ZFAND3: variants seen among roughly 807,000 people sequenced by gnomAD.
ZFAND3 encodes the protein AN1-type zinc finger protein 3.
ZFAND3 carries 10 observed loss-of-function variants against 29.6 expected under a neutral mutation model. The ratio of observed to expected loss-of-function variants is 0.34; its 90% confidence interval spans 0.21 to 0.57. The LOEUF (loss-of-function observed/expected upper bound fraction) is 0.57, where lower values mean the gene tolerates loss of function less well. Among genes scored for constraint, ZFAND3 ranks in the 20% least tolerant of loss-of-function variants. The pLI is 0.86. For synonymous variants in ZFAND3, 128 were observed against 112.6 expected, an observed-to-expected ratio of 1.14 and a Z score of -0.87; for missense variants, 230 against 304.5, an observed-to-expected ratio of 0.76 and a Z score of 1.82.
chr6:38,067,902 C>G (rs1317379055), intron 3 of ZFAND3, among the ~76,000 whole-genome samples: 3 of 152,104 alleles, frequency 2.0e-5, no homozygotes, highest in African/African-American at 7.2e-5. Flanking sequence ...GATTTTTCTT[C>G]CCAGTCCCAC....
intron 2 of ZFAND3, among the ~76,000 whole-genome samples, chr6:37,969,676 C>T (rs1409243076): frequency 6.6e-6 from 1 of 152,078 alleles, no homozygotes; most frequent in Non-Finnish European, 1.5e-5. Context: ...CAATAGTGGT[C>T]AGAGTAGTGA....
chr6:37,863,657 A>T (rs1764534990), intron 1 of ZFAND3, among the ~76,000 whole-genome samples: 1 of 150,380 alleles, frequency 6.6e-6, no homozygotes, highest in Non-Finnish European at 1.5e-5. Flanking sequence ...TCTGAAACAT[A>T]TTTTCAAATG....
intron 2 of ZFAND3, among the ~76,000 whole-genome samples, chr6:37,930,886 A>G (rs1201667055): frequency 1.3e-5 from 2 of 152,222 alleles, no homozygotes; most frequent in African/African-American, 2.4e-5. Flanking sequence ...TTAGTCAGTA[A>G]TACACTTTTG....
At chr6:38,082,642 A>G (rs2127471046) in intron 4 of ZFAND3, among the ~76,000 whole-genome samples, 185 bp downstream of exon 4, 1 of 152,194 alleles carries the variant, frequency 6.6e-6, no homozygotes, top group South Asian at 2.1e-4. Flanking sequence ...GGGGAGTCAG[A>G]TTGACTGAGT....
intron 2 of ZFAND3, among the ~76,000 whole-genome samples, chr6:37,966,849 C>G: frequency 6.6e-6 from 1 of 152,130 alleles, no homozygotes; most frequent in Non-Finnish European, 1.5e-5. Context: ...GGAACAGTTC[C>G]CTAGTCTTTT....
intron 2 of ZFAND3, among the ~76,000 whole-genome samples, chr6:38,060,422 C>G (rs978831312): frequency 2.0e-5 from 3 of 146,466 alleles, no homozygotes; most frequent in African/African-American, 7.5e-5. Flanking sequence ...TCTTTTTTTT[C>G]CTCTTCTCCT....
intron 1 of ZFAND3, among the ~76,000 whole-genome samples, chr6:37,926,624 A>T (rs1354050529): frequency 6.6e-6 from 1 of 152,218 alleles, no homozygotes; most frequent in Middle Eastern, 3.2e-3. Context: ...CCCCTGAGTA[A>T]GGTAACTTCG....
At chr6:37,947,893 A>G (rs1761930355) in intron 2 of ZFAND3, among the ~76,000 whole-genome samples, 1 of 152,020 alleles carries the variant, frequency 6.6e-6, no homozygotes, top group Non-Finnish European at 1.5e-5. Context: ...TTAGCTTAGT[A>G]TTTCCTTTCT....
At chr6:37,925,166 G>A (rs1761459791) in intron 1 of ZFAND3, among the ~76,000 whole-genome samples, 1 of 152,032 alleles carries the variant, frequency 6.6e-6, no homozygotes, top group African/African-American at 2.4e-5. Flanking sequence ...AAAATAACAC[G>A]CTCCAACTTG....
At chr6:38,026,452 CAAG>C (rs1306956006) in intron 2 of ZFAND3, among the ~76,000 whole-genome samples, 4 of 91,262 alleles carry the variant, frequency 4.4e-5, no homozygotes, top group African/African-American at 1.8e-4. Context: ...TTTTTTGAGA[CAAG>C]AGTCTCACTC....
rs141064682 is a variant in ZFAND3 at position 37,981,810 on chromosome 6, A to G, written c.112+51811A>G. ...AGGGTTAAGGATGCACCTGTTACAA[A>G]GCCTTGGAAGGTCCTAATGCCATGT... is the stretch of plus-strand genomic sequence containing the variant. On this transcript the variant is annotated intron_variant, in intron 2 of 5. Transcript: ENST00000287218. 2.7e-4 allele frequency among the ~76,000 whole-genome samples: 41 copies of G among 152,274 alleles called. No homozygotes were observed. In the East Asian group the frequency reaches 7.7e-3, roughly 29 times the overall value.
At chr6:37,896,576 T>C (rs12198646) in intron 1 of ZFAND3, among the ~76,000 whole-genome samples, 16 of 138,896 alleles carry the variant, frequency 1.2e-4, no homozygotes, top group Non-Finnish European at 2.2e-4. Context: ...CTTTCTCTCT[T>C]TCTCTCTCTT....
At chr6:37,942,639 A>G (rs1561941794) in intron 2 of ZFAND3, among the ~76,000 whole-genome samples, 1 of 152,160 alleles carries the variant, frequency 6.6e-6, no homozygotes, top group Non-Finnish European at 1.5e-5. Context: ...TGGGAATATT[A>G]TTTTCAGATA....
intron 1 of ZFAND3, among the ~76,000 whole-genome samples, chr6:37,891,277 C>G (rs1043657004): frequency 5.9e-5 from 9 of 152,186 alleles, no homozygotes; most frequent in Non-Finnish European, 4.4e-5. Context: ...GAGCATAATT[C>G]CATTATATGG....
intron 2 of ZFAND3, among the ~76,000 whole-genome samples, chr6:37,995,049 A>T (rs1762826929): frequency 6.6e-6 from 1 of 152,210 alleles, no homozygotes; most frequent in Non-Finnish European, 1.5e-5. Context: ...TAGTGAATGA[A>T]TGAGAGAGTA....
intron 4 of ZFAND3, among the ~76,000 whole-genome samples, chr6:38,103,596 A>G (rs530168717): frequency 6.9e-6 from 1 of 145,916 alleles, no homozygotes; most frequent in Admixed American, 7.0e-5. Flanking sequence ...TTGGCAGATG[A>G]AAAATCTTGG....
intron 1 of ZFAND3, among the ~76,000 whole-genome samples, chr6:37,858,240 T>TTAGG (rs1483812838): frequency 6.6e-6 from 1 of 152,156 alleles, no homozygotes; most frequent in Non-Finnish European, 1.5e-5. Context: ...AATCAGAATA[T>TTAGG]TAGGGTTGTC....
intron 1 of ZFAND3, among the ~76,000 whole-genome samples, chr6:37,916,498 A>C (rs980676160): frequency 7.8e-6 from 1 of 127,464 alleles, no homozygotes; most frequent in Non-Finnish European, 1.9e-5. Context: ...TCTCTACTAA[A>C]AATAAAAAAA....
intron 2 of ZFAND3, among the ~76,000 whole-genome samples, chr6:38,011,835 TC>T (rs1452508243): frequency 3.3e-5 from 5 of 152,200 alleles, no homozygotes; most frequent in African/African-American, 1.2e-4. Flanking sequence ...TTAAGAGGAT[TC>T]GGGGAAGGTA....
Sources: gnomAD v4.1 joint callset for allele counts (sites outside exome capture counted in the v4.1 genomes callset) on GRCh38, gnomAD v4.1.1 for gene constraint, MANE v1.5 for transcripts, NCBI Gene and HGNC (gene_info 2026-07-23, HGNC 2026-07-21) for gene names.